The following ZNF891 variants were observed in gnomAD, a reference collection of about 807,000 sequenced individuals.
The protein encoded by ZNF891 is hCG1646157.
For missense variants in ZNF891, 589 were observed against 632.7 expected (o/e 0.93, Z 0.74); for synonymous variants, 199 against 209.0 (o/e 0.95, Z 0.41).
intron 1 of ZNF891, 42 bp from the exon 2 acceptor site, chr12:133,122,066 GA>G: frequency 7.1e-7 from 1 of 1,402,016 alleles, no homozygotes; most frequent in Non-Finnish European, 9.2e-7. Flanking sequence ...AAGAAAGCTG[GA>G]AACAGGGCCC....
At position 133,104,836 on chromosome 12, in the gene ZNF891, T is replaced by G. The variant is rs1955525521; in HGVS notation, c.*15448A>C. Among the ~76,000 whole-genome samples, 2 of 152,308 alleles carry G rather than the reference T, an allele frequency of 1.3e-5. No individual in the cohort carries two copies. Among genetic ancestry groups the G allele is most frequent in the East Asian group, 1.9e-4 (1 of 5,178 alleles). On this transcript the variant is annotated 3_prime_UTR_variant, in exon 2 of 2. Transcript: ENST00000537226. ...ACTTTCATTTTAGGTTAAAGGTTAC[T>G]CATGTTACATGAGCAAATTGTGTGT...
intron 1 of ZNF891, among the ~76,000 whole-genome samples, chr12:133,123,078 T>G (rs1181900000): frequency 6.6e-6 from 1 of 152,220 alleles, no homozygotes; most frequent in Non-Finnish European, 1.5e-5. Flanking sequence ...GAAGACTAGG[T>G]AGTTAACCGT....
chr12:133,105,988 A>G lies in ZNF891; in HGVS notation c.*14296T>C, dbSNP rs747208735. 43 of 1,614,020 alleles carry G rather than the reference A, an allele frequency of 2.7e-5. No individual in the cohort carries two copies. The highest frequency in any genetic ancestry group is 3.2e-5 in the Non-Finnish European group (38 of 1,180,040). On this transcript the variant is annotated 3_prime_UTR_variant, in exon 2 of 2. Transcript: ENST00000537226. The stretch of plus-strand genomic sequence containing the variant: ...TTTCATTTCTTATTGAACACCAGAG[A>G]ACGCACACTGGGGAGAAACCTTATG...
rs1374087629 is a variant in ZNF891, at chr12:133,109,957, T to G, written c.*10327A>C. 6.6e-6 allele frequency: 1 copy of G among 152,228 alleles called. No homozygotes were observed. The highest frequency in any genetic ancestry group is 1.9e-4 in the East Asian group (1 of 5,204). 9.4% of individuals were successfully genotyped at this position (152,228 alleles called of 1,614,324 possible). Reference sequence around the variant, plus strand: ...TTGGCCGGGCGTGGTGGCAGACGCCTGTAGTCCCAGCTGCTTGAGAGGCTG... The same window carrying G: ...TTGGCCGGGCGTGGTGGCAGACGCCGGTAGTCCCAGCTGCTTGAGAGGCTG... On this transcript the variant is annotated 3_prime_UTR_variant, in exon 2 of 2. Transcript: ENST00000537226.
chr12:133,120,556 T>C lies in ZNF891; in HGVS notation c.1363A>G (p.Thr455Ala), dbSNP rs1955745864. 1 of 1,561,390 alleles carries C rather than the reference T, an allele frequency of 6.4e-7. No individual in the cohort carries two copies. Among genetic ancestry groups the C allele is most frequent in the Non-Finnish European group, 8.7e-7 (1 of 1,154,284 alleles). The change falls in exon 2 of 2, where the codon ACC becomes GCC. Residue 455 changes from threonine (T) to alanine (A), a missense_variant. Physicochemically the swap from Thr to Ala is moderately conservative, Grantham distance 58. Transcript: ENST00000537226. Reference sequence around the variant, plus strand: ...CTGCATTCATAAACATTCTCTCCGGTATGAATTTTCTTATGAACTTTAAGG... The same window carrying C: ...CTGCATTCATAAACATTCTCTCCGGCATGAATTTTCTTATGAACTTTAAGG... ...SHLKVHKKIH[T>A]GENVYECSDC...
In ZNF891 at chr12:133,121,552, C is replaced by A; in HGVS notation, c.367G>T (p.Glu123Ter). Residue 123 changes from glutamate (E) to a stop codon, truncating the protein, a stop_gained, in exon 2 of 2, where the codon GAA becomes TAA. Coordinates refer to ENST00000537226, the MANE Select transcript of ZNF891 (RefSeq NM_001277291.2). LOFTEE classifies it low-confidence loss of function (END_TRUNC). ...CACAAAATTTTCTGCACAGTTGATT[C>A]TTTGGTTTTAGGTTGAATCTTCTGG... ...PDQKIQPKTK[E>*]STVQKILWEE... 1 of 1,536,468 alleles carries A rather than the reference C, an allele frequency of 6.5e-7. No individual in the cohort carries two copies. Among genetic ancestry groups the A allele is most frequent in the African/African-American group, 1.4e-5 (1 of 73,158 alleles).
chr12:133,105,843 A>G lies in ZNF891; in HGVS notation c.*14441T>C, dbSNP rs1229675525. 3.1e-6 allele frequency: 5 copies of G among 1,614,208 alleles called. No homozygotes were observed. Among genetic ancestry groups the G allele is most frequent in the South Asian group, 1.1e-5 (1 of 91,084 alleles). ...AGGACTCATACTGGAGAGAAACCAT[A>G]TGCATGTAAGGAATGTGGCAAAACC... is the stretch of plus-strand genomic sequence containing the variant. On this transcript the variant is annotated 3_prime_UTR_variant, in exon 2 of 2. Transcript: ENST00000537226.
At position 133,109,847 on chromosome 12, in the gene ZNF891, G is replaced by A. The variant is rs978184015; in HGVS notation, c.*10437C>T. On this transcript the variant is annotated 3_prime_UTR_variant, in exon 2 of 2. Coordinates refer to ENST00000537226, the MANE Select transcript of ZNF891 (RefSeq NM_001277291.2). ...GACCAAATCAAGGCCTTTGAGCTAA[G>A]AATGATTTTAACATCTTTAAAAAGC... The A allele has an allele frequency of 1.7e-4, 26 of 152,272 alleles. No individual in the cohort carries two copies. Among genetic ancestry groups the A allele is most frequent in the African/African-American group, 5.1e-4 (21 of 41,554 alleles). 9.4% of individuals were successfully genotyped at this position (152,272 alleles called of 1,614,324 possible).
At chr12:133,130,003 C>A (rs1467162426) in intron 1 of ZNF891, among the ~76,000 whole-genome samples, 1 of 152,132 alleles carries the variant, frequency 6.6e-6, no homozygotes, top group Non-Finnish European at 1.5e-5. Context: ...CGGGACCCCT[C>A]CGCCCCGCGC....
In ZNF891 at chr12:133,121,203, G is replaced by T. The variant is rs751400311; in HGVS notation, c.716C>A (p.Ser239Tyr). The change falls in exon 2 of 2, where the codon TCT (serine) becomes TAT (tyrosine). Residue 239 changes from serine (S) to tyrosine (Y), a missense_variant. Coordinates refer to ENST00000537226, the MANE Select transcript of ZNF891 (RefSeq NM_001277291.2). ...ACTTTCATAGAGCTTCTCACTTATA[G>T]AGTTTTTCACATAATTGTTTATGAT... ...NSIINNYVKN[S>Y]ISEKLYESHE... 233 of 1,535,096 alleles carry T rather than the reference G, an allele frequency of 1.5e-4. No homozygotes were observed. The highest frequency in any genetic ancestry group is 2.0e-4 in the Admixed American group (10 of 50,968).
In ZNF891 at chr12:133,105,425, T is replaced by C. The variant is rs1429621557; in HGVS notation, c.*14859A>G. 4.3e-6 allele frequency: 6 copies of C among 1,393,128 alleles called. No individual in the cohort carries two copies. The East Asian group carries it at 7.4e-5, about 17-fold the overall frequency. The allele number at this position is 1,393,128 out of a possible 1,614,324, so 86.3% of individuals were successfully genotyped here. The stretch of plus-strand genomic sequence containing the variant: ...ATTGATAAGATTTTTTGAAACTTCA[T>C]TCTGTTGCTAAAGAAGGGAGAAATG... On this transcript the variant is annotated 3_prime_UTR_variant, in exon 2 of 2. Transcript: ENST00000537226.
At chr12:133,123,983 TG>T (rs1251692822) in intron 1 of ZNF891, among the ~76,000 whole-genome samples, 1 of 152,212 alleles carries the variant, frequency 6.6e-6, no homozygotes. Flanking sequence ...GATTAATCTA[TG>T]TATTTAATAG....
Position 133,115,091 on chromosome 12 carries a change from A to G in ZNF891, c.*5193T>C, listed in dbSNP as rs966151416. The G allele has an allele frequency of 6.6e-6, 1 of 152,318 alleles. No individual in the cohort carries two copies. Among genetic ancestry groups the G allele is most frequent in the South Asian group, 2.1e-4 (1 of 4,824 alleles). The allele number at this position is 152,318 out of a possible 1,614,324, so 9.4% of individuals were successfully genotyped here. ...AATAGAACTACATGCACTGACATGG[A>G]AAGATGTTTAAAAAGATGTTGGATA... On this transcript the variant is annotated 3_prime_UTR_variant, in exon 2 of 2. Coordinates refer to ENST00000537226, the MANE Select transcript of ZNF891 (RefSeq NM_001277291.2).
chr12:133,120,713 T>C lies in ZNF891; in HGVS notation c.1206A>G (p.Lys402=), dbSNP rs1955747822. The change falls in exon 2 of 2, where the codon AAA becomes AAG. Residue 402 remains lysine (K), a synonymous_variant. Transcript: ENST00000537226. ...KAHMRTHTGE[K]PYECNQCGKS... is the part of the protein sequence containing the mutation. ...TTCCACACTGATTACATTCATAAGG[T>C]TTCTCTCCAGTGTGAGTTCTCATGT... 2 of 1,565,954 alleles carry C rather than the reference T, an allele frequency of 1.3e-6. No homozygotes were observed. The highest frequency in any genetic ancestry group is 1.4e-5 in the African/African-American group (1 of 73,428).
Position 133,109,670 on chromosome 12 carries a change from G to A in ZNF891, c.*10614C>T, listed in dbSNP as rs771265532. On this transcript the variant is annotated 3_prime_UTR_variant, in exon 2 of 2. Transcript: ENST00000537226. ...AAAGATGTTTCAGAATAAAAATAGA[G>A]GAAATTTACGGTAGCATTCTTATGC... is the stretch of plus-strand genomic sequence containing the variant. The A allele has an allele frequency of 6.6e-6, 1 of 152,056 alleles. No individual in the cohort carries two copies. Among genetic ancestry groups the A allele is most frequent in the Non-Finnish European group, 1.5e-5 (1 of 68,022 alleles). 9.4% of individuals were successfully genotyped at this position (152,056 alleles called of 1,614,324 possible). A position where few individuals can be genotyped will look rare whatever the true frequency, so the allele number is the denominator to read the frequency against.
At chr12:133,127,181 G>C (rs929670502) in intron 1 of ZNF891, among the ~76,000 whole-genome samples, 2 of 151,786 alleles carry the variant, frequency 1.3e-5, no homozygotes, top group Non-Finnish European at 2.9e-5. Flanking sequence ...TGGCCAGCCT[G>C]GTCTTGAACT....
Position 133,127,882 on chromosome 12 carries a change from G to C in ZNF891, c.-107+2345C>G, listed in dbSNP as rs752007441. Among the ~76,000 whole-genome samples the C allele has an allele frequency of 3.3e-5, 5 of 152,066 alleles. No individual in the cohort carries two copies. The East Asian group carries it at 7.7e-4, about 23-fold the overall frequency. On this transcript the variant is annotated intron_variant, in intron 1 of 1. Coordinates refer to ENST00000537226, the MANE Select transcript of ZNF891 (RefSeq NM_001277291.2). ...CAAAAGACATTTTACATAGATTTAAGAAAAACTAAGCAAATGAATAAAAAA... is the reference window on the plus strand; with the variant it reads ...CAAAAGACATTTTACATAGATTTAACAAAAACTAAGCAAATGAATAAAAAA...
rs978085890 is a variant in ZNF891 at position 133,109,695 on chromosome 12, C to T, written c.*10589G>A. ...GGAAATTTACGGTAGCATTCTTATG[C>T]TAAAAGAAATAATTTTTCAGGCAGT... On this transcript the variant is annotated 3_prime_UTR_variant, in exon 2 of 2. Coordinates refer to ENST00000537226, the MANE Select transcript of ZNF891 (RefSeq NM_001277291.2). The T allele has an allele frequency of 1.3e-5, 2 of 151,896 alleles. No homozygotes were observed. Among genetic ancestry groups the T allele is most frequent in the Non-Finnish European group, 2.9e-5 (2 of 68,002 alleles). The allele number at this position is 151,896 out of a possible 1,614,324, so 9.4% of individuals were successfully genotyped here. A position where few individuals can be genotyped will look rare whatever the true frequency, so the allele number is the denominator to read the frequency against.
intron 1 of ZNF891, among the ~76,000 whole-genome samples, chr12:133,123,295 A>G (rs1955782594): frequency 6.6e-6 from 1 of 152,212 alleles, no homozygotes; most frequent in South Asian, 2.1e-4. Flanking sequence ...TATTCCTAGT[A>G]CCTAGAAGAG....
Sources: allele counts gnomAD v4.1 joint callset (sites outside exome capture counted in the v4.1 genomes callset), GRCh38; gene constraint gnomAD v4.1.1; transcripts MANE v1.5; gene names NCBI Gene and HGNC (gene_info 2026-07-23, HGNC 2026-07-21).